Variants in LRGUK observed in about 807,000 individuals in gnomAD.
LRGUK encodes the protein leucine-rich repeat and guanylate kinase domain-containing protein.
In LRGUK, 65 loss-of-function variants were observed where a neutral mutation model predicts 76.0. The observed-to-expected ratio is 0.85, with a 90% CI of 0.70 to 1.05. The LOEUF (loss-of-function observed/expected upper bound fraction) is 1.05, where lower values mean the gene tolerates loss of function less well. Ranked by LOEUF, LRGUK falls within the 50% of genes least tolerant of loss-of-function variation. The pLI, the probability that LRGUK is intolerant of heterozygous loss-of-function variation, is 0.00. For synonymous variants in LRGUK, 268 were observed against 265.6 expected (o/e 1.01, Z -0.09); for missense variants, 758 against 732.8 (o/e 1.03, Z -0.40).
At chr7:134,273,123 C>G in the LRGUK span, among the ~76,000 whole-genome samples, 2 of 152,152 alleles carry the variant, frequency 1.3e-5, no homozygotes, top group African/African-American at 4.8e-5. Context: ...AACTTTGGTT[C>G]CCTTCATGAA....
At chr7:134,229,375 A>AAATCTATCTATCT (rs568818931) in intron 16 of LRGUK, among the ~76,000 whole-genome samples, 7 of 147,478 alleles carry the variant, frequency 4.7e-5, no homozygotes, top group East Asian at 2.0e-4. Context: ...AAAAAAAAAA[A>AAATCTATCTATCT]ATCTATCTAT....
intron 11 of LRGUK, among the ~76,000 whole-genome samples, chr7:134,189,425 T>C (rs1800107696): frequency 6.6e-6 from 1 of 152,216 alleles, no homozygotes; most frequent in African/African-American, 2.4e-5. Flanking sequence ...AACATTTCTA[T>C]ATGTGAAAAT....
At chr7:134,207,257 T>G (rs1481386094) in intron 15 of LRGUK, among the ~76,000 whole-genome samples, 1 of 152,198 alleles carries the variant, frequency 6.6e-6, no homozygotes, top group Non-Finnish European at 1.5e-5. Flanking sequence ...CCATCATCAC[T>G]ACCTATTTCC....
chr7:134,130,464 G>A (rs1797254401), intron 1 of LRGUK, among the ~76,000 whole-genome samples: 1 of 152,124 alleles, frequency 6.6e-6, no homozygotes, highest in South Asian at 2.1e-4. Context: ...TGGCTTGTAA[G>A]ACACATGTGG....
chr7:134,155,399 C>A (rs1316127843), intron 5 of LRGUK, among the ~76,000 whole-genome samples: 2 of 152,170 alleles, frequency 1.3e-5, no homozygotes, highest in African/African-American at 4.8e-5. Flanking sequence ...GCTATTCTGG[C>A]AGGAAGCTTT....
intron 12 of LRGUK, among the ~76,000 whole-genome samples, chr7:134,194,427 C>T (rs1163378130): frequency 6.6e-6 from 1 of 151,988 alleles, no homozygotes; most frequent in Non-Finnish European, 1.5e-5. Context: ...TCCAGAGAAA[C>T]AGAATCAATA....
At chr7:134,239,978 A>G (rs1420510110) in intron 16 of LRGUK, among the ~76,000 whole-genome samples, 9 of 152,228 alleles carry the variant, frequency 5.9e-5, no homozygotes, top group Non-Finnish European at 1.0e-4. Context: ...ACAGACCTGC[A>G]GCTGAGGGTT....
At chr7:134,240,045 C>T (rs2117190783) in intron 16 of LRGUK, among the ~76,000 whole-genome samples, 1 of 152,318 alleles carries the variant, frequency 6.6e-6, no homozygotes, top group Non-Finnish European at 1.5e-5. Flanking sequence ...AAAACCCCAT[C>T]TGTATGTCAC....
At chr7:134,183,429 G>T (rs912286521) in intron 10 of LRGUK, among the ~76,000 whole-genome samples, 4 of 151,952 alleles carry the variant, frequency 2.6e-5, no homozygotes, top group African/African-American at 7.3e-5. Flanking sequence ...TTCTTTCATT[G>T]ATCAGTTTTG....
At chr7:134,186,632 A>G (rs1376546765) in intron 11 of LRGUK, among the ~76,000 whole-genome samples, 1 of 152,202 alleles carries the variant, frequency 6.6e-6, no homozygotes, top group Non-Finnish European at 1.5e-5. Flanking sequence ...GCAGAGATGA[A>G]TGGATTCATC....
At chr7:134,205,653 C>A (rs62465768) in intron 15 of LRGUK, among the ~76,000 whole-genome samples, 1 of 152,072 alleles carries the variant, frequency 6.6e-6, no homozygotes, top group East Asian at 1.9e-4. Context: ...GCTTTGTCTG[C>A]GCAATTAGGA....
chr7:134,264,078 T>C, exon 20 of LRGUK: 4 of 1,165,054 alleles, frequency 3.4e-6, no homozygotes, highest in Non-Finnish European at 4.6e-6. Context: ...ACTCAACCCA[T>C]TACCCACGGA....
At chr7:134,269,350 CTTT>C (rs71172445), downstream of LRGUK, among the ~76,000 whole-genome samples, 25 of 123,852 alleles carry the variant, frequency 2.0e-4, no homozygotes, top group East Asian at 1.8e-3. Context: ...GATTTCAATT[CTTT>C]TTTTTTTTTT....
chr7:134,193,057 G>A (rs1363405630), intron 12 of LRGUK, among the ~76,000 whole-genome samples: 1 of 152,124 alleles, frequency 6.6e-6, no homozygotes, highest in Non-Finnish European at 1.5e-5. Flanking sequence ...ATTTTGAATG[G>A]CCAACTCTAT....
chr7:134,209,980 G>T (rs1801181237), exon 16 of LRGUK: 2 of 399,498 alleles, frequency 5.0e-6, no homozygotes, highest in African/African-American at 2.1e-5. Flanking sequence ...GGCCTGCAAA[G>T]GAAAGGAAAG....
chr7:134,173,182 T>A (rs1345790247), intron 7 of LRGUK, among the ~76,000 whole-genome samples: 1 of 152,190 alleles, frequency 6.6e-6, no homozygotes, highest in Non-Finnish European at 1.5e-5. Context: ...AAGATGTGTA[T>A]AATAGTATAA....
At chr7:134,265,146 A>G (rs418135), downstream of LRGUK, among the ~76,000 whole-genome samples, 71,505 of 152,002 alleles carry the variant, frequency 0.47, 17,193 homozygotes, top group South Asian at 0.57. Flanking sequence ...GAGGAAGAGG[A>G]TATGTCTCTG....
intron 4 of LRGUK, among the ~76,000 whole-genome samples, chr7:134,144,947 A>G (rs954254975): frequency 6.6e-6 from 1 of 152,174 alleles, no homozygotes; most frequent in African/African-American, 2.4e-5. Flanking sequence ...GTCTGAAGCC[A>G]CAGGGCAGTC....
chr7:134,268,709 C>CA (rs1193577689), downstream of LRGUK, among the ~76,000 whole-genome samples: 1 of 114,776 alleles, frequency 8.7e-6, no homozygotes, highest in Non-Finnish European at 1.8e-5. Context: ...CTTATATATG[C>CA]AAAAAATCTT....
Sources: gnomAD v4.1 joint callset for allele counts (sites outside exome capture counted in the v4.1 genomes callset) on GRCh38, gnomAD v4.1.1 for gene constraint, MANE v1.5 for transcripts, NCBI Gene and HGNC (gene_info 2026-07-23, HGNC 2026-07-21) for gene names.